The following PCDH15 variants were observed in gnomAD, a reference collection of about 807,000 sequenced individuals.
PCDH15 encodes the protein protocadherin related 15, also known as protocadherin-15.
PCDH15 carries 129 observed loss-of-function variants against 178.5 expected under a neutral mutation model. The ratio of observed to expected loss-of-function variants is 0.72; its 90% CI spans 0.63 to 0.84. The LOEUF (loss-of-function observed/expected upper bound fraction) is 0.84, where lower values mean the gene tolerates loss of function less well. Among genes scored for constraint, PCDH15 ranks in the 40% least tolerant of loss-of-function variants. The pLI, the probability that PCDH15 is intolerant of heterozygous loss-of-function variation, is 0.00. For synonymous variants in PCDH15, 800 were observed against 732.0 expected, an observed-to-expected ratio of 1.09 and a Z score of -1.50; for missense variants, 2,230 against 2,099.9, an observed-to-expected ratio of 1.06 and a Z score of -1.21.
intron 1 of PCDH15, among the ~76,000 whole-genome samples, chr10:54,736,220 C>A (rs1168753487): frequency 6.6e-6 from 1 of 151,954 alleles, no homozygotes; most frequent in Admixed American, 6.6e-5. Flanking sequence ...AAAACAGCCA[C>A]CTTGCTCTTG....
At chr10:55,418,770 A>G (rs1353131447) in intron 2 of PCDH15, among the ~76,000 whole-genome samples, 2 of 151,942 alleles carry the variant, frequency 1.3e-5, no homozygotes, top group African/African-American at 2.4e-5. Context: ...TCAGACTTTT[A>G]TCTTTCATGG....
chr10:54,322,769 A>G (rs1275678946), intron 7 of PCDH15, among the ~76,000 whole-genome samples: 1 of 152,098 alleles, frequency 6.6e-6, no homozygotes, highest in Non-Finnish European at 1.5e-5. Flanking sequence ...TCCTAGAGGA[A>G]AACCTATTAA....
At chr10:54,098,096 C>G (rs1213639461) in intron 15 of PCDH15, among the ~76,000 whole-genome samples, 1 of 151,716 alleles carries the variant, frequency 6.6e-6, no homozygotes, top group Non-Finnish European at 1.5e-5. Context: ...CAAAACAAAA[C>G]AAACAAAAAA....
intron 2 of PCDH15, among the ~76,000 whole-genome samples, chr10:54,938,365 T>G (rs1329486055): frequency 3.3e-5 from 5 of 150,908 alleles, no homozygotes; most frequent in Non-Finnish European, 1.5e-5. Context: ...TTTGTCTATA[T>G]TCATTAAAGA....
intron 1 of PCDH15, among the ~76,000 whole-genome samples, chr10:55,210,691 C>T (rs577385894): frequency 1.0e-3 from 127 of 124,860 alleles, no homozygotes; most frequent in Non-Finnish European, 1.4e-3. Flanking sequence ...TGTAGTGGCG[C>T]GATCTCGGCT....
At chr10:54,905,863 G>A (rs1954710925) in intron 2 of PCDH15, among the ~76,000 whole-genome samples, 1 of 152,042 alleles carries the variant, frequency 6.6e-6, no homozygotes, top group African/African-American at 2.4e-5. Flanking sequence ...AATAGGATAA[G>A]CCACTTTTAA....
chr10:55,125,163 T>TGTGTGTGTGTGTG (rs1554833074), intron 2 of PCDH15, among the ~76,000 whole-genome samples: 2 of 142,980 alleles, frequency 1.4e-5, no homozygotes, highest in African/African-American at 5.2e-5. Flanking sequence ...TTTTTTTTAA[T>TGTGTGTGTGTGTG]TGTGTGTGTG....
chr10:54,723,034 T>TA (rs922573784), intron 1 of PCDH15, among the ~76,000 whole-genome samples: 69 of 149,714 alleles, frequency 4.6e-4, no homozygotes, highest in Admixed American at 1.3e-3. Flanking sequence ...TACATAATTA[T>TA]AAAAAAAAAA....
At chr10:54,909,239 C>T (rs1281971189) in intron 2 of PCDH15, among the ~76,000 whole-genome samples, 32 of 152,150 alleles carry the variant, frequency 2.1e-4, no homozygotes, top group Non-Finnish European at 2.9e-5. Flanking sequence ...CCTTCCCTGG[C>T]TTGAAGGTGG....
intron 10 of PCDH15, among the ~76,000 whole-genome samples, chr10:54,210,114 G>A (rs536649697): frequency 3.9e-4 from 59 of 152,148 alleles, no homozygotes; most frequent in African/African-American, 1.0e-3. Context: ...ATTTTTTGAC[G>A]CAGTCATAAG....
At chr10:54,663,970 C>T (rs2094530870) in intron 2 of PCDH15, among the ~76,000 whole-genome samples, 1 of 151,916 alleles carries the variant, frequency 6.6e-6, no homozygotes, top group South Asian at 2.1e-4. Context: ...TTCCTTCTAC[C>T]ATGCTGCAAT....
chr10:53,865,000 C>T (rs532261285), intron 27 of PCDH15, among the ~76,000 whole-genome samples: 3 of 152,006 alleles, frequency 2.0e-5, no homozygotes, highest in Non-Finnish European at 2.9e-5. Flanking sequence ...GCTAGGGTGG[C>T]TGAGGTGGGA....
Position 54,577,533 on chromosome 10 carries a change from A to G in PCDH15, c.92-49656T>C, listed in dbSNP as rs147656736. ...GGTTACATTTGGTGAGAATACAAAA[A>G]AGGAAAAAAAAATAAGTCAAGATTA... On this transcript the variant is annotated intron_variant, in intron 2 of 37. Transcript: ENST00000644397. Among the ~76,000 whole-genome samples the G allele has an allele frequency of 9.5e-3, 1,453 of 152,232 alleles. 24 individuals carry two copies. The highest frequency in any genetic ancestry group is 0.034 in the African/African-American group (1,399 of 41,548).
chr10:55,112,150 ATGTC>A (rs1417517436), intron 2 of PCDH15, among the ~76,000 whole-genome samples: 1 of 152,148 alleles, frequency 6.6e-6, no homozygotes, highest in African/African-American at 2.4e-5. Flanking sequence ...AATGAACTGA[ATGTC>A]TGTGTCCATG....
chr10:55,302,227 AG>A (rs1461329749), intron 1 of PCDH15, among the ~76,000 whole-genome samples: 2 of 151,958 alleles, frequency 1.3e-5, no homozygotes, highest in African/African-American at 4.8e-5. Flanking sequence ...CTATGAAAAA[AG>A]TGTGTTTCTT....
chr10:55,114,518 C>T (rs1439699839), intron 2 of PCDH15, among the ~76,000 whole-genome samples: 2 of 152,220 alleles, frequency 1.3e-5, no homozygotes, highest in African/African-American at 2.4e-5. Context: ...ACACAGCTAT[C>T]TAACTACGGT....
intron 33 of PCDH15, 50 bp from the exon 34 acceptor site, chr10:53,818,063 T>G (rs1218587579): frequency 7.5e-6 from 3 of 398,008 alleles, no homozygotes; most frequent in Non-Finnish European, 1.3e-5. Flanking sequence ...AGATTTTCGT[T>G]ATTAAACAAA....
At chr10:54,733,202 G>C (rs1421632794) in intron 1 of PCDH15, among the ~76,000 whole-genome samples, 1 of 151,458 alleles carries the variant, frequency 6.6e-6, no homozygotes, top group Non-Finnish European at 1.5e-5. Flanking sequence ...ATTAAAAAGA[G>C]AACATGATTA....
chr10:55,093,304 G>GT (rs762305565), intron 2 of PCDH15, among the ~76,000 whole-genome samples: 166 of 151,762 alleles, frequency 1.1e-3, no homozygotes, highest in Non-Finnish European at 1.7e-3. Context: ...TGAATAGTTT[G>GT]TTTTTTCAGT....
Sources: allele counts gnomAD v4.1 joint callset (sites outside exome capture counted in the v4.1 genomes callset), GRCh38; gene constraint gnomAD v4.1.1; transcripts MANE v1.5; gene names NCBI Gene and HGNC (gene_info 2026-07-23, HGNC 2026-07-21).